Variants in RASAL2 observed in about 807,000 individuals in gnomAD.
The protein encoded by RASAL2 is RAS protein activator like 2.
A neutral mutation model predicts 128.9 loss-of-function variants in RASAL2; 58 were observed. That is an observed-to-expected ratio of 0.45 (90% CI 0.36 to 0.56). The LOEUF (loss-of-function observed/expected upper bound fraction) is 0.56, where lower values mean the gene tolerates loss of function less well. Among genes scored for constraint, RASAL2 ranks in the 20% least tolerant of loss-of-function variants. The pLI, the probability that RASAL2 is intolerant of heterozygous loss-of-function variation, is 0.00. For missense variants in RASAL2, 1,360 were observed against 1,601.6 expected, an observed-to-expected ratio of 0.85 and a Z score of 2.57; for synonymous variants, 561 against 580.8, an observed-to-expected ratio of 0.97 and a Z score of 0.49.
chr1:178,166,184 T>G (rs75842329), intron 1 of RASAL2, among the ~76,000 whole-genome samples: 9,640 of 152,214 alleles, frequency 0.063, 370 homozygotes, highest in Middle Eastern at 0.088. Flanking sequence ...GATTGTGTGT[T>G]TGTGGTCAAT....
intron 1 of RASAL2, among the ~76,000 whole-genome samples, chr1:178,177,672 C>T (rs1199105871): frequency 2.0e-5 from 3 of 152,050 alleles, no homozygotes; most frequent in South Asian, 2.1e-4. Context: ...GGGAAGGTCC[C>T]CATGGAATGA....
chr1:178,430,972 C>T (rs1365111402), intron 5 of RASAL2, among the ~76,000 whole-genome samples: 3 of 150,826 alleles, frequency 2.0e-5, no homozygotes, highest in Admixed American at 6.6e-5. Flanking sequence ...GAATACTATA[C>T]GGTAATAATT....
intron 1 of RASAL2, among the ~76,000 whole-genome samples, chr1:178,177,284 G>A (rs1374648191): frequency 6.6e-6 from 1 of 152,174 alleles, no homozygotes; most frequent in Non-Finnish European, 1.5e-5. Context: ...CAATTATGCT[G>A]TGATCTTGAA....
chr1:178,348,731 T>G (rs1428064243), intron 3 of RASAL2, among the ~76,000 whole-genome samples: 1 of 151,724 alleles, frequency 6.6e-6, no homozygotes, highest in East Asian at 1.9e-4. Context: ...TTGATGGAAG[T>G]GATGTTCTGT....
chr1:178,393,108 T>G (rs773544710), intron 4 of RASAL2, among the ~76,000 whole-genome samples: 3 of 152,178 alleles, frequency 2.0e-5, no homozygotes, highest in Non-Finnish European at 4.4e-5. Context: ...GAAAAAGTAG[T>G]GGTCCCCAAC....
At chr1:178,109,004 C>T (rs1223669407) in intron 1 of RASAL2, among the ~76,000 whole-genome samples, 1 of 152,074 alleles carries the variant, frequency 6.6e-6, no homozygotes, top group Non-Finnish European at 1.5e-5. Flanking sequence ...AAAAGCATGT[C>T]TTTCTATGCC....
At chr1:178,284,925 T>C (rs1405924874) in intron 2 of RASAL2, among the ~76,000 whole-genome samples, 1 of 152,022 alleles carries the variant, frequency 6.6e-6, no homozygotes, top group Non-Finnish European at 1.5e-5. Context: ...AGGAAACACA[T>C]TTCTTAATTC....
chr1:178,435,428 C>A (rs566510634), intron 5 of RASAL2, among the ~76,000 whole-genome samples: 2 of 152,154 alleles, frequency 1.3e-5, no homozygotes, highest in Non-Finnish European at 2.9e-5. Flanking sequence ...TGTTGGCTCC[C>A]CATCTCCCAG....
At chr1:178,299,933 CA>C in intron 2 of RASAL2, 58 bp from the exon 3 acceptor site, 1 of 1,555,884 alleles carries the variant, frequency 6.4e-7, no homozygotes, top group Non-Finnish European at 8.8e-7. Context: ...ATTATTCAAT[CA>C]GAACGTAGTT....
chr1:178,352,190 C>T (rs1670550241), intron 3 of RASAL2, among the ~76,000 whole-genome samples: 1 of 152,104 alleles, frequency 6.6e-6, no homozygotes, highest in Non-Finnish European at 1.5e-5. Context: ...AGTGGAAATA[C>T]CACTACTAAA....
intron 9 of RASAL2, among the ~76,000 whole-genome samples, chr1:178,447,535 A>G (rs1392502399): frequency 1.3e-5 from 2 of 151,528 alleles, no homozygotes; most frequent in East Asian, 3.9e-4. Context: ...TTAGCCAGGC[A>G]TGGTGGCGGG....
intron 4 of RASAL2, among the ~76,000 whole-genome samples, chr1:178,411,299 A>C (rs1386971742): frequency 6.6e-6 from 1 of 152,202 alleles, no homozygotes; most frequent in Non-Finnish European, 1.5e-5. Context: ...TAACTCAGGA[A>C]TGGAAAACCA....
chr1:178,127,712 A>G (rs1659951880), intron 1 of RASAL2, among the ~76,000 whole-genome samples: 1 of 152,092 alleles, frequency 6.6e-6, no homozygotes, highest in South Asian at 2.1e-4. Context: ...TTTAATATCT[A>G]GTATCTCCAT....
chr1:178,098,388 A>G (rs1226529895), intron 1 of RASAL2, among the ~76,000 whole-genome samples: 1 of 152,258 alleles, frequency 6.6e-6, no homozygotes, highest in African/African-American at 2.4e-5. Context: ...TCAGATATTT[A>G]TAGCCTCAAA....
At chr1:178,308,880 T>C (rs1373235663) in intron 3 of RASAL2, among the ~76,000 whole-genome samples, 2 of 152,116 alleles carry the variant, frequency 1.3e-5, no homozygotes, top group Non-Finnish European at 2.9e-5. Flanking sequence ...GTTAGAAATA[T>C]CTAGATAATT....
At chr1:178,149,429 CA>C (rs562825007) in intron 1 of RASAL2, among the ~76,000 whole-genome samples, 41 of 152,068 alleles carry the variant, frequency 2.7e-4, no homozygotes, top group Admixed American at 5.2e-4. Context: ...GGATTTAATT[CA>C]TTTTTTTCTT....
chr1:178,283,406 T>C (rs1666874799), intron 1 of RASAL2, among the ~76,000 whole-genome samples, 158 bp from the exon 2 acceptor site: 1 of 152,234 alleles, frequency 6.6e-6, no homozygotes, highest in Non-Finnish European at 1.5e-5. Flanking sequence ...CTGTATATAA[T>C]AGTTTTCATT....
intron 3 of RASAL2, among the ~76,000 whole-genome samples, chr1:178,343,111 C>T (rs1476152053): frequency 2.0e-5 from 3 of 152,172 alleles, no homozygotes. Context: ...AACAAGTTAG[C>T]TTGATTTGGC....
chr1:178,239,014 A>G (rs930487006), intron 1 of RASAL2, among the ~76,000 whole-genome samples: 1 of 152,074 alleles, frequency 6.6e-6, no homozygotes, highest in African/African-American at 2.4e-5. Context: ...AGTTAACCAC[A>G]GGTATTTTTC....
Sources: allele counts gnomAD v4.1 joint callset (sites outside exome capture counted in the v4.1 genomes callset), GRCh38; gene constraint gnomAD v4.1.1; transcripts MANE v1.5; gene names NCBI Gene and HGNC (gene_info 2026-07-23, HGNC 2026-07-21).